Variants in AK9 observed in about 807,000 individuals in gnomAD.
AK9 encodes adenylate kinase domain containing 1.
A neutral mutation model predicts 239.6 loss-of-function variants in AK9; 191 were observed. That is an observed-to-expected ratio of 0.80 (90% confidence interval 0.71 to 0.90). The LOEUF is 0.90. Among genes scored for constraint, AK9 ranks in the 40% least tolerant of loss-of-function variants. AK9 has a pLI of 0.00. For missense variants in AK9, 1,995 were observed against 2,214.7 expected (o/e 0.90, Z 1.99); for synonymous variants, 689 against 721.0 (o/e 0.96, Z 0.71).
At chr6:109,632,131 C>G in intron 12 of AK9, 3 of 984,150 alleles carry the variant, frequency 3.0e-6, no homozygotes, top group Non-Finnish European at 3.6e-6. Context: ...TTTGCGGTAA[C>G]TCAGTGGGCT....
At chr6:109,609,395 C>T (rs1793305552) in intron 17 of AK9, among the ~76,000 whole-genome samples, 1 of 152,158 alleles carries the variant, frequency 6.6e-6, no homozygotes, top group Admixed American at 6.6e-5. Flanking sequence ...ATGTCAGTTC[C>T]GTCTTCCCCA....
chr6:109,667,878 C>T (rs1189161573), intron 5 of AK9, among the ~76,000 whole-genome samples: 1 of 152,064 alleles, frequency 6.6e-6, no homozygotes, highest in Non-Finnish European at 1.5e-5. Flanking sequence ...TGCATGTGTC[C>T]TTATAACAGC....
At chr6:109,516,121 G>C in intron 30 of AK9, 46 bp from the exon 31 acceptor site, 1 of 1,460,258 alleles carries the variant, frequency 6.8e-7, no homozygotes, top group Non-Finnish European at 9.3e-7. Flanking sequence ...TGAGAAAAAG[G>C]CTGGTAGTAT....
intron 24 of AK9, among the ~76,000 whole-genome samples, chr6:109,560,750 T>C (rs1402834582): frequency 2.6e-5 from 4 of 152,124 alleles, no homozygotes; most frequent in Non-Finnish European, 5.9e-5. Flanking sequence ...TTTAATGTCT[T>C]TGGTTTTGGT....
At chr6:109,600,617 CT>C (rs1348820240) in intron 17 of AK9, among the ~76,000 whole-genome samples, 1 of 152,192 alleles carries the variant, frequency 6.6e-6, no homozygotes, top group Non-Finnish European at 1.5e-5. Context: ...AGGATTCCCT[CT>C]TTTTCTATTG....
Position 109,567,585 on chromosome 6 carries a change from G to C in AK9, c.2345-2740C>G, listed in dbSNP as rs572237122. On this transcript the variant is annotated intron_variant, in intron 21 of 40. Coordinates refer to ENST00000424296, the MANE Select transcript of AK9 (RefSeq NM_001145128.3). ...CCTCTGAGTTCACGTCCTTTGTAGG[G>C]ACATGGATGAAGCTGGAAACCATCA... 2.6e-5 allele frequency among the ~76,000 whole-genome samples: 4 copies of C among 151,948 alleles called. No homozygotes were observed. In the South Asian group the frequency reaches 8.3e-4, roughly 32 times the overall value.
At chr6:109,613,789 T>A (rs1289978001) in intron 15 of AK9, among the ~76,000 whole-genome samples, 1 of 151,634 alleles carries the variant, frequency 6.6e-6, no homozygotes, top group African/African-American at 2.4e-5. Flanking sequence ...AATAGAAAAA[T>A]TTTATAAGGA....
At chr6:109,632,679 T>C (rs1796216471) in intron 12 of AK9, 2 of 917,792 alleles carry the variant, frequency 2.2e-6, no homozygotes, top group Non-Finnish European at 2.9e-6. Flanking sequence ...GATATTCACA[T>C]GTGGGAGCTT....
intron 1 of AK9, among the ~76,000 whole-genome samples, chr6:109,680,070 C>A (rs773746718): frequency 2.6e-5 from 4 of 152,122 alleles, no homozygotes; most frequent in Non-Finnish European, 5.9e-5. Flanking sequence ...CAACTCCTTG[C>A]CAGCATGGGA....
At chr6:109,616,179 ATACTT>A (rs1355532646) in intron 13 of AK9, among the ~76,000 whole-genome samples, 5 of 152,154 alleles carry the variant, frequency 3.3e-5, no homozygotes, top group African/African-American at 7.2e-5. Context: ...GGTTTAAACT[ATACTT>A]CTTTTCAAAT....
At chr6:109,545,177 T>C (rs1297587221) in intron 26 of AK9, among the ~76,000 whole-genome samples, 2 of 152,162 alleles carry the variant, frequency 1.3e-5, no homozygotes, top group African/African-American at 4.8e-5. Flanking sequence ...CAGTGGCTCA[T>C]GCCTATAATC....
At chr6:109,651,470 C>T (rs12663674) in intron 8 of AK9, among the ~76,000 whole-genome samples, 88,578 of 151,880 alleles carry the variant, frequency 0.58, 27,503 homozygotes, top group East Asian at 0.84. Context: ...AAAGCAGGAA[C>T]GATCTAAAAT....
chr6:109,582,037 G>T (rs1354885105), intron 19 of AK9, among the ~76,000 whole-genome samples: 1 of 152,110 alleles, frequency 6.6e-6, no homozygotes, highest in East Asian at 1.9e-4. Context: ...TCTGTTTACA[G>T]CATGCTTTAC....
chr6:109,633,423 TAAGA>T, intron 10 of AK9, 100 bp from the exon 11 acceptor site: 1 of 1,279,886 alleles, frequency 7.8e-7, no homozygotes. Flanking sequence ...CTTTACTATT[TAAGA>T]AATAATTTAA....
At chr6:109,605,453 C>A (rs1453872300) in intron 17 of AK9, among the ~76,000 whole-genome samples, 4 of 151,562 alleles carry the variant, frequency 2.6e-5, no homozygotes, top group African/African-American at 9.7e-5. Flanking sequence ...TTTTTTCATC[C>A]CCACTCTGAG....
At chr6:109,644,774 T>C in intron 8 of AK9, 86 bp from the exon 9 acceptor site, 1 of 1,133,580 alleles carries the variant, frequency 8.8e-7, no homozygotes, top group Non-Finnish European at 1.2e-6. Flanking sequence ...ACTGTGCAGA[T>C]ATATTTAAAG....
At position 109,550,267 on chromosome 6, in the gene AK9, CA is replaced by C. The variant is rs752798114; in HGVS notation, c.2786del (p.Leu929TrpfsTer59). 3.7e-6 allele frequency: 6 copies of C among 1,612,014 alleles called. No individual in the cohort carries two copies. Among genetic ancestry groups the C allele is most frequent in the Non-Finnish European group, 5.1e-6 (6 of 1,179,940 alleles). ...CCGGACAAAAGTGTTTTGTGTCTCC[CA>C]AATGCCTCTTTCTCTCCTTCATTTT... ...EDKMKERKRH[L>X]GDTKHFCPVV... On this transcript the variant is annotated frameshift_variant, in exon 25 of 41. Transcript: ENST00000424296. LOFTEE classifies it high-confidence loss of function.
chr6:109,568,910 A>G (rs1166006916), intron 21 of AK9, among the ~76,000 whole-genome samples: 2 of 152,238 alleles, frequency 1.3e-5, no homozygotes, highest in African/African-American at 4.8e-5. Context: ...GACTTTCTTC[A>G]TAGAATTGGA....
At position 109,516,774 on chromosome 6, in the gene AK9, C is replaced by A. The variant is rs969542648; in HGVS notation, c.3634-132G>T. 7.2e-5 allele frequency: 55 copies of A among 759,520 alleles called. 1 individual carries two copies. Among genetic ancestry groups the A allele is most frequent in the Middle Eastern group, 7.4e-4 (2 of 2,718 alleles). 47.0% of individuals were successfully genotyped at this position (759,520 alleles called of 1,614,324 possible). A position where few individuals can be genotyped will look rare whatever the true frequency, so the allele number is the denominator to read the frequency against. ...TTGCATGTTGACATTCATCTAGTAA[C>A]GCAATAAGGTTTTAAATATCTGACA... On this transcript the variant is annotated intron_variant, in intron 29 of 40. Transcript: ENST00000424296.
Sources: gnomAD v4.1 joint callset for allele counts (sites outside exome capture counted in the v4.1 genomes callset) on GRCh38, gnomAD v4.1.1 for gene constraint, MANE v1.5 for transcripts, NCBI Gene and HGNC (gene_info 2026-07-23, HGNC 2026-07-21) for gene names.